KLF8: variants seen among roughly 807,000 people sequenced by gnomAD.
KLF8 encodes the protein KLF transcription factor 8.
Under a neutral mutation model 18.2 loss-of-function variants are expected in KLF8, and 10 were observed. The observed-to-expected ratio is 0.55, with a 90% CI of 0.34 to 0.93. KLF8 has a LOEUF of 0.93. Among genes scored for constraint, KLF8 ranks in the 40% least tolerant of loss-of-function variants. KLF8 has a pLI of 0.02. For missense variants in KLF8, 264 were observed against 277.9 expected (o/e 0.95, Z 0.36); for synonymous variants, 109 against 97.3 (o/e 1.12, Z -0.71).
At chrX:56,052,661 C>T in the KLF8 span, among the ~76,000 whole-genome samples, 1 of 111,961 alleles carries the variant, frequency 8.9e-6, no homozygotes, top group African/African-American at 3.2e-5. Context: ...AGAACCACTG[C>T]TCTCTTCAAA....
chrX:56,243,451 G>A, intron 1 of KLF8: 2 of 187,979 alleles, frequency 1.1e-5, no homozygotes, highest in Non-Finnish European at 2.0e-5. Context: ...CTGAGTACCT[G>A]CTGTGGTGGT....
At chrX:56,219,497 C>G in the KLF8 span, among the ~76,000 whole-genome samples, 1 of 111,879 alleles carries the variant, frequency 8.9e-6, no homozygotes, top group Admixed American at 9.5e-5. Context: ...TTGACCTATA[C>G]TAAAAATAAC....
chrX:56,185,620 G>A, the KLF8 span, among the ~76,000 whole-genome samples: 3 of 112,058 alleles, frequency 2.7e-5, no homozygotes, highest in Non-Finnish European at 5.6e-5. Flanking sequence ...AGAGCAGCCA[G>A]AGAGAAAGGT....
chrX:56,084,808 T>G, the KLF8 span, among the ~76,000 whole-genome samples: 416 of 111,293 alleles, frequency 3.7e-3, 2 homozygotes, highest in African/African-American at 0.012. Flanking sequence ...TAAGAACACA[T>G]GAAGGAAAAA....
chrX:56,093,905 ATGTGTGTGTGTG>A, the KLF8 span, among the ~76,000 whole-genome samples: 28 of 89,001 alleles, frequency 3.1e-4, no homozygotes, highest in East Asian at 1.1e-3. Context: ...TATATATTAT[ATGTGTGTGTGTG>A]TGTGTGTGTG....
At chrX:56,136,843 G>T in the KLF8 span, among the ~76,000 whole-genome samples, 2 of 110,145 alleles carry the variant, frequency 1.8e-5, no homozygotes, top group Admixed American at 9.7e-5. Flanking sequence ...GAAAATTTTC[G>T]CAACCTACTC....
the KLF8 span, among the ~76,000 whole-genome samples, chrX:56,160,025 T>C: frequency 8.9e-6 from 1 of 112,074 alleles, no homozygotes; most frequent in South Asian, 3.7e-4. Context: ...TGTGGGCATT[T>C]AGTGCTATAA....
chrX:56,164,311 A>G, the KLF8 span, among the ~76,000 whole-genome samples: 11 of 91,534 alleles, frequency 1.2e-4, no homozygotes, highest in South Asian at 6.1e-3. Context: ...TCAGTCTTTA[A>G]AAGGGCAGAA....
the KLF8 span, among the ~76,000 whole-genome samples, chrX:55,997,129 G>T: frequency 8.9e-6 from 1 of 111,877 alleles, no homozygotes; most frequent in African/African-American, 3.2e-5. Context: ...TGCCCCTGGT[G>T]CAGCCAGGCA....
At chrX:55,925,858 A>G in the KLF8 span, among the ~76,000 whole-genome samples, 1 of 112,206 alleles carries the variant, frequency 8.9e-6, no homozygotes, top group African/African-American at 3.2e-5. Context: ...CTGCCTTTTA[A>G]AAACATTTTT....
the KLF8 span, among the ~76,000 whole-genome samples, chrX:56,178,457 T>C: frequency 8.9e-6 from 1 of 112,322 alleles, no homozygotes; most frequent in African/African-American, 3.2e-5. Flanking sequence ...GATGGTAGTT[T>C]GTTTTGCTGT....
chrX:56,030,379 C>G, the KLF8 span, among the ~76,000 whole-genome samples: 2 of 111,523 alleles, frequency 1.8e-5, no homozygotes, highest in Non-Finnish European at 3.8e-5. Context: ...CGCTTTTCAT[C>G]TGTGTTAAAG....
At chrX:56,239,206 C>T (rs2066515046) in intron 1 of KLF8, among the ~76,000 whole-genome samples, 1 of 111,703 alleles carries the variant, frequency 9.0e-6, no homozygotes, top group Non-Finnish European at 1.9e-5. Context: ...TTTCTCATCA[C>T]ACGGACCTGG....
the KLF8 span, among the ~76,000 whole-genome samples, chrX:56,045,085 A>G: frequency 9.0e-6 from 1 of 111,665 alleles, no homozygotes; most frequent in African/African-American, 3.3e-5. Flanking sequence ...AAGGTGAGAG[A>G]TGAGGATCCA....
chrX:55,938,735 A>C, the KLF8 span, among the ~76,000 whole-genome samples: 3 of 111,356 alleles, frequency 2.7e-5, no homozygotes, highest in Non-Finnish European at 5.6e-5. Flanking sequence ...CTAGTCTCGG[A>C]TAAAACAGAC....
At chrX:56,229,752 G>A (rs1034287760), upstream of KLF8, among the ~76,000 whole-genome samples, 2 of 111,682 alleles carry the variant, frequency 1.8e-5, no homozygotes, top group African/African-American at 6.5e-5. Context: ...GGCTGTGTGC[G>A]TACAGTGAAA....
chrX:56,166,504 G>A, the KLF8 span, among the ~76,000 whole-genome samples: 2 of 111,681 alleles, frequency 1.8e-5, no homozygotes, highest in African/African-American at 6.5e-5. Flanking sequence ...AGTATCTTGG[G>A]GATCCTGGGA....
At chrX:56,186,526 C>A in the KLF8 span, among the ~76,000 whole-genome samples, 1 of 111,295 alleles carries the variant, frequency 9.0e-6, no homozygotes, top group African/African-American at 3.3e-5. Context: ...CCAAGCGGAC[C>A]TAATAGACAT....
chrX:56,065,306 G>A, the KLF8 span, among the ~76,000 whole-genome samples: 2 of 110,599 alleles, frequency 1.8e-5, no homozygotes, highest in African/African-American at 3.3e-5. Flanking sequence ...TTTTCTGACT[G>A]GGTTATTTGA....
Sources: allele counts gnomAD v4.1 joint callset (sites outside exome capture counted in the v4.1 genomes callset), GRCh38; gene constraint gnomAD v4.1.1; transcripts MANE v1.5; gene names NCBI Gene and HGNC (gene_info 2026-07-23, HGNC 2026-07-21).